The following NPAS3 variants were observed in gnomAD, a reference collection of about 807,000 sequenced individuals.
NPAS3 encodes neuronal PAS domain protein 3.
In NPAS3, 14 loss-of-function variants were observed where a neutral mutation model predicts 73.1. That is an observed-to-expected ratio of 0.19 (90% CI 0.13 to 0.30). NPAS3 has a LOEUF of 0.30. Among genes scored for constraint, NPAS3 ranks in the 10% least tolerant of loss-of-function variants. The pLI is 1.00. For synonymous variants in NPAS3, 620 were observed against 541.5 expected, an observed-to-expected ratio of 1.14 and a Z score of -2.01; for missense variants, 1,096 against 1,250.0, an observed-to-expected ratio of 0.88 and a Z score of 1.86.
chr14:33,215,305 C>G, exon 3 of NPAS3: 1 of 1,562,050 alleles, frequency 6.4e-7, no homozygotes. Context: ...CCAGCCAGCT[C>G]GACAAGGCAT....
chr14:33,279,875 C>CA (rs1426373915), intron 3 of NPAS3, among the ~76,000 whole-genome samples: 4 of 151,944 alleles, frequency 2.6e-5, no homozygotes, highest in Admixed American at 6.6e-5. Context: ...TTTTGAACTG[C>CA]AAAAAAATCA....
chr14:33,027,588 T>A (rs761051550), intron 1 of NPAS3, among the ~76,000 whole-genome samples: 5 of 152,152 alleles, frequency 3.3e-5, no homozygotes, highest in Non-Finnish European at 7.4e-5. Flanking sequence ...AGCTTGGAGA[T>A]CCCATTTTAT....
intron 4 of NPAS3, among the ~76,000 whole-genome samples, chr14:33,409,715 T>G (rs1036443481): frequency 6.6e-6 from 1 of 152,182 alleles, no homozygotes; most frequent in Non-Finnish European, 1.5e-5. Context: ...TGGGCCTTTA[T>G]GCTTTCTTCA....
At chr14:33,766,992 A>C (rs1354017844) in intron 7 of NPAS3, among the ~76,000 whole-genome samples, 1 of 152,234 alleles carries the variant, frequency 6.6e-6, no homozygotes, top group Non-Finnish European at 1.5e-5. Context: ...CTGTAAGGGA[A>C]AGGAAATGCC....
chr14:33,647,754 C>A (rs1161698412), intron 5 of NPAS3, among the ~76,000 whole-genome samples: 1 of 152,068 alleles, frequency 6.6e-6, no homozygotes, highest in African/African-American at 2.4e-5. Flanking sequence ...CCCACCATTC[C>A]ATCCCAGGTC....
chr14:33,611,154 T>C (rs1231343463), intron 5 of NPAS3: 1 of 152,184 alleles, frequency 6.6e-6, no homozygotes, highest in Admixed American at 6.5e-5. Flanking sequence ...CCGATAGACC[T>C]CCCTAAGAAT....
At chr14:33,059,821 T>C (rs1175341329) in intron 2 of NPAS3, among the ~76,000 whole-genome samples, 4 of 152,236 alleles carry the variant, frequency 2.6e-5, no homozygotes, top group Non-Finnish European at 4.4e-5. Flanking sequence ...TTGTTTTTTA[T>C]TTAGAGACAG....
At chr14:33,033,052 A>G (rs932118105) in intron 1 of NPAS3, among the ~76,000 whole-genome samples, 3 of 152,136 alleles carry the variant, frequency 2.0e-5, no homozygotes, top group Non-Finnish European at 4.4e-5. Context: ...TCAAATAATA[A>G]CTCTAAGAGG....
intron 1 of NPAS3, among the ~76,000 whole-genome samples, chr14:33,038,591 G>A (rs987624806): frequency 6.6e-6 from 1 of 151,852 alleles, no homozygotes; most frequent in Non-Finnish European, 1.5e-5. Context: ...CTTTTTAAAG[G>A]GATGTCATTA....
intron 4 of NPAS3, among the ~76,000 whole-genome samples, chr14:33,472,843 T>C (rs1422648109): frequency 5.3e-5 from 8 of 150,782 alleles, no homozygotes; most frequent in Admixed American, 5.2e-4. Flanking sequence ...AAAAAAGACA[T>C]TTATTATTGA....
intron 7 of NPAS3, among the ~76,000 whole-genome samples, chr14:33,766,835 C>T (rs963275001): frequency 3.3e-5 from 5 of 152,204 alleles, no homozygotes; most frequent in Non-Finnish European, 5.9e-5. Context: ...TTGTCACCCC[C>T]TCCCTGGATC....
intron 2 of NPAS3, among the ~76,000 whole-genome samples, chr14:33,089,488 A>G (rs182773745): frequency 0.027 from 4,063 of 152,312 alleles, 66 homozygotes; most frequent in Non-Finnish European, 0.04. Context: ...TCCAAGAAAT[A>G]TGGGACTATG....
chr14:33,542,874 G>T (rs920268753), intron 4 of NPAS3, among the ~76,000 whole-genome samples: 1 of 152,196 alleles, frequency 6.6e-6, no homozygotes, highest in African/African-American at 2.4e-5. Context: ...GCATGAGGCA[G>T]CCAGCAGCCT....
At chr14:33,782,884 T>G (rs1486905262) in intron 9 of NPAS3, among the ~76,000 whole-genome samples, 3 of 152,064 alleles carry the variant, frequency 2.0e-5, no homozygotes, top group Non-Finnish European at 4.4e-5. Flanking sequence ...TTCTATACTT[T>G]CTAACAAAAC....
intron 4 of NPAS3, among the ~76,000 whole-genome samples, chr14:33,511,132 G>A (rs11156795): frequency 6.6e-6 from 1 of 151,856 alleles, no homozygotes; most frequent in Non-Finnish European, 1.5e-5. Context: ...GCGTTCAGGT[G>A]CCTTGTGTTG....
chr14:32,978,000 A>T (rs1361404332), intron 1 of NPAS3, among the ~76,000 whole-genome samples: 1 of 152,202 alleles, frequency 6.6e-6, no homozygotes, highest in African/African-American at 2.4e-5. Context: ...TTGAGCCTAC[A>T]TGTGCGTGAC....
At chr14:33,418,332 G>T (rs1047311062) in intron 4 of NPAS3, among the ~76,000 whole-genome samples, 4 of 152,048 alleles carry the variant, frequency 2.6e-5, no homozygotes, top group African/African-American at 9.6e-5. Flanking sequence ...GCTTTGGAAA[G>T]AAACCCGAGT....
At chr14:33,758,719 C>T (rs2062192966) in intron 7 of NPAS3, among the ~76,000 whole-genome samples, 1 of 152,128 alleles carries the variant, frequency 6.6e-6, no homozygotes, top group African/African-American at 2.4e-5. Context: ...TCTACTTTAA[C>T]ATCCAAGGTT....
At chr14:33,713,925 A>T (rs1187790113) in intron 6 of NPAS3, among the ~76,000 whole-genome samples, 1 of 152,030 alleles carries the variant, frequency 6.6e-6, no homozygotes, top group Non-Finnish European at 1.5e-5. Context: ...TTCCTCAAAC[A>T]CATGATGTTC....
Sources: allele counts gnomAD v4.1 joint callset (sites outside exome capture counted in the v4.1 genomes callset), GRCh38; gene constraint gnomAD v4.1.1; transcripts MANE v1.5; gene names NCBI Gene and HGNC (gene_info 2026-07-23, HGNC 2026-07-21).